Variants in CSMD1 observed in about 807,000 individuals in gnomAD.
CSMD1 encodes CUB and sushi domain-containing protein 1.
Under a neutral mutation model 417.5 loss-of-function variants are expected in CSMD1, and 213 were observed. The observed-to-expected ratio is 0.51, with a 90% confidence interval of 0.46 to 0.57. The LOEUF (loss-of-function observed/expected upper bound fraction) is 0.57, where lower values mean the gene tolerates loss of function less well. CSMD1 is among the 20% of genes least tolerant of loss of function. The pLI is 0.00. For synonymous variants in CSMD1, 2,862 were observed against 1,736.8 expected (o/e 1.65, Z -16.11); for missense variants, 6,923 against 4,529.7 (o/e 1.53, Z -15.17).
At chr8:3,268,479 CAG>C (rs1801600501) in intron 26 of CSMD1, among the ~76,000 whole-genome samples, 1 of 151,696 alleles carries the variant, frequency 6.6e-6, no homozygotes. Context: ...TTAGTAGAGA[CAG>C]GGTTTCACCG....
At chr8:3,686,908 G>A (rs749533900) in intron 7 of CSMD1, among the ~76,000 whole-genome samples, 5 of 152,134 alleles carry the variant, frequency 3.3e-5, no homozygotes, top group East Asian at 3.9e-4. Flanking sequence ...GGCCGTAAGA[G>A]GACAGAGTAG....
intron 1 of CSMD1, among the ~76,000 whole-genome samples, chr8:4,696,339 T>C (rs539087012): frequency 6.6e-6 from 1 of 152,336 alleles, no homozygotes; most frequent in East Asian, 1.9e-4. Flanking sequence ...TCTTAGATTA[T>C]TGTTTAGTTC....
intron 49 of CSMD1, among the ~76,000 whole-genome samples, chr8:3,077,364 G>A (rs1470023190): frequency 2.0e-5 from 3 of 152,006 alleles, no homozygotes; most frequent in Admixed American, 6.6e-5. Flanking sequence ...AAGATGAGAA[G>A]CAACTCCACA....
chr8:3,127,466 G>A (rs891288955), intron 41 of CSMD1: 1 of 152,164 alleles, frequency 6.6e-6, no homozygotes. Flanking sequence ...AGAATGAATT[G>A]TTCAGATGTT....
At chr8:4,183,679 G>A (rs984990624) in intron 3 of CSMD1, among the ~76,000 whole-genome samples, 5 of 152,130 alleles carry the variant, frequency 3.3e-5, no homozygotes, top group African/African-American at 4.8e-5. Flanking sequence ...AAATAATTTT[G>A]TTGTGAGCAG....
chr8:4,057,805 G>A (rs1165060625), intron 3 of CSMD1, among the ~76,000 whole-genome samples: 16 of 152,128 alleles, frequency 1.1e-4, no homozygotes, highest in Non-Finnish European at 5.9e-5. Flanking sequence ...TTTCCCCATT[G>A]CTTGTTTTTG....
At chr8:4,237,533 A>AC (rs1360745745) in intron 3 of CSMD1, among the ~76,000 whole-genome samples, 1 of 54,182 alleles carries the variant, frequency 1.8e-5, no homozygotes, top group Non-Finnish European at 8.0e-5. Flanking sequence ...AGTCAATACT[A>AC]CTTTTTTTTT....
chr8:3,189,272 T>C (rs1796274446), intron 34 of CSMD1, among the ~76,000 whole-genome samples: 1 of 152,226 alleles, frequency 6.6e-6, no homozygotes, highest in South Asian at 2.1e-4. Flanking sequence ...AGGGATGATG[T>C]CCAATGATGG....
intron 5 of CSMD1, among the ~76,000 whole-genome samples, chr8:3,839,030 T>C (rs1260852162): frequency 7.8e-6 from 1 of 128,180 alleles, no homozygotes; most frequent in East Asian, 2.2e-4. Flanking sequence ...TGATATTATA[T>C]ATATTTATTA....
At chr8:4,770,145 A>C (rs1585071487) in intron 1 of CSMD1, among the ~76,000 whole-genome samples, 1 of 151,222 alleles carries the variant, frequency 6.6e-6, no homozygotes, top group South Asian at 2.1e-4. Flanking sequence ...TACCAGAAGC[A>C]ACATACAGAT....
chr8:4,886,009 G>C (rs867010183), intron 1 of CSMD1, among the ~76,000 whole-genome samples: 31 of 151,774 alleles, frequency 2.0e-4, no homozygotes, highest in Admixed American at 3.3e-4. Flanking sequence ...TTACTTATTT[G>C]AGACAGTGTC....
At chr8:4,001,554 C>A (rs1027794666) in intron 4 of CSMD1, among the ~76,000 whole-genome samples, 5 of 152,304 alleles carry the variant, frequency 3.3e-5, no homozygotes, top group Admixed American at 2.6e-4. Flanking sequence ...CACTGCCATG[C>A]AGTTTCCTTC....
intron 40 of CSMD1, among the ~76,000 whole-genome samples, chr8:3,143,505 A>C (rs1037188257): frequency 7.2e-5 from 11 of 152,250 alleles, no homozygotes; most frequent in Non-Finnish European, 1.3e-4. Context: ...CAATAAAAAT[A>C]ATTGAGAGTT....
chr8:4,335,256 T>C (rs1170972354), intron 3 of CSMD1, among the ~76,000 whole-genome samples: 11 of 152,064 alleles, frequency 7.2e-5, no homozygotes, highest in Admixed American at 6.6e-4. Context: ...TTCACCCTTA[T>C]GACCTAACCA....
intron 1 of CSMD1, among the ~76,000 whole-genome samples, chr8:4,992,136 G>T (rs1482180636): frequency 6.6e-6 from 1 of 152,112 alleles, no homozygotes; most frequent in Non-Finnish European, 1.5e-5. Context: ...CGCAGGGCCC[G>T]AGGCGCCCAG....
At chr8:4,623,780 TCAAAAAAGC>T in intron 2 of CSMD1, among the ~76,000 whole-genome samples, 1 of 152,060 alleles carries the variant, frequency 6.6e-6, no homozygotes, top group African/African-American at 2.4e-5. Context: ...ATATAATATT[TCAAAAAAGC>T]AAACTAATTC....
intron 3 of CSMD1, among the ~76,000 whole-genome samples, chr8:4,070,333 G>T (rs1159037494): frequency 3.3e-5 from 5 of 151,946 alleles, no homozygotes; most frequent in Non-Finnish European, 1.5e-5. Context: ...CAGAGAAAAT[G>T]TCTTCTTATA....
chr8:4,981,647 T>C (rs1810895536), intron 1 of CSMD1, among the ~76,000 whole-genome samples: 1 of 152,200 alleles, frequency 6.6e-6, no homozygotes, highest in Non-Finnish European at 1.5e-5. Flanking sequence ...GAGATGATCT[T>C]TTTATATTAC....
chr8:3,033,087 C>A (rs1180702278), intron 50 of CSMD1, among the ~76,000 whole-genome samples: 1 of 151,008 alleles, frequency 6.6e-6, no homozygotes, highest in Non-Finnish European at 1.5e-5. Flanking sequence ...ACTATTAATT[C>A]TAGGCTACAG....
Sources: gnomAD v4.1 joint callset for allele counts (sites outside exome capture counted in the v4.1 genomes callset) on GRCh38, gnomAD v4.1.1 for gene constraint, MANE v1.5 for transcripts, NCBI Gene and HGNC (gene_info 2026-07-23, HGNC 2026-07-21) for gene names.